The following LARP4 variants were observed in gnomAD, a reference collection of about 807,000 sequenced individuals.
The protein encoded by LARP4 is La ribonucleoprotein 4, also known as la-related protein 4.
In LARP4, 29 loss-of-function variants were observed where a neutral mutation model predicts 92.9. The observed-to-expected ratio is 0.31, with a 90% CI of 0.23 to 0.43. LARP4 has a LOEUF of 0.43. Ranked by LOEUF, LARP4 falls within the 20% of genes least tolerant of loss-of-function variation. The pLI, the probability that LARP4 is intolerant of heterozygous loss-of-function variation, is 1.00. For synonymous variants in LARP4, 279 were observed against 284.1 expected (o/e 0.98, Z 0.18); for missense variants, 732 against 860.0 (o/e 0.85, Z 1.86).
chr12:50,448,847 C>T (rs751499682), intron 8 of LARP4, among the ~76,000 whole-genome samples: 2 of 152,104 alleles, frequency 1.3e-5, no homozygotes, highest in Admixed American at 6.6e-5. Flanking sequence ...TAATACATGA[C>T]GACAATATCA....
chr12:50,465,794 A>G (rs572944761), intron 12 of LARP4, among the ~76,000 whole-genome samples: 3 of 152,336 alleles, frequency 2.0e-5, no homozygotes, highest in East Asian at 3.9e-4. Flanking sequence ...CAATTCAATG[A>G]TATTTTTGTA....
At position 50,477,503 on chromosome 12, in the gene LARP4, A is replaced by C. The variant is rs192192856; in HGVS notation, c.*1639A>C. ...ACATCTTAGTAATATATTAAAGTGA[A>C]TGTAAATGGTGGTTAAAATTACATT... On this transcript the variant is annotated 3_prime_UTR_variant, in exon 16 of 16. Transcript: ENST00000398473. 1 of 152,698 alleles carries C rather than the reference A, an allele frequency of 6.5e-6. No individual in the cohort carries two copies. Among genetic ancestry groups the C allele is most frequent in the African/African-American group, 2.4e-5 (1 of 41,570 alleles). 9.5% of individuals were successfully genotyped at this position (152,698 alleles called of 1,614,324 possible).
chr12:50,471,085 T>G (rs1956876344), intron 13 of LARP4, among the ~76,000 whole-genome samples: 1 of 152,060 alleles, frequency 6.6e-6, no homozygotes, highest in Non-Finnish European at 1.5e-5. Context: ...GGCCAAGAGT[T>G]TGAGACCAGC....
At chr12:50,437,674 A>G (rs1950634188) in intron 5 of LARP4, 61 bp from the exon 6 acceptor site, 1 of 913,728 alleles carries the variant, frequency 1.1e-6, no homozygotes, top group Non-Finnish European at 1.7e-6. Context: ...AGTTTCTTTA[A>G]TGGCATTAAT....
intron 1 of LARP4, chr12:50,412,532 TTCTGTTACCTTAGG>T (rs1946084400): frequency 1.3e-5 from 6 of 444,850 alleles, no homozygotes; most frequent in Non-Finnish European, 1.8e-5. Context: ...TAACTCATGG[TTCTGTTACCTTAGG>T]TCTGTAATTT....
chr12:50,453,491 C>T lies in LARP4; in HGVS notation c.836C>T (p.Ala279Val). The change falls in exon 9 of 16, where the codon GCT becomes GTT. Residue 279 changes from alanine to valine, a missense_variant. By Grantham distance (64) the Ala-to-Val change is moderately conservative. Transcript: ENST00000398473. The stretch of plus-strand genomic sequence containing the variant: ...ATAAAAGCCATCAATACATTTTTTG[C>T]TAAGAATGGTTATCGATTAATGGAT... ...ARIKAINTFFAKNGYRLMDSS... is the reference protein window; with the variant it reads ...ARIKAINTFFVKNGYRLMDSS... 6.2e-7 allele frequency: 1 copy of T among 1,611,938 alleles called. No homozygotes were observed. The highest frequency in any genetic ancestry group is 2.2e-5 in the East Asian group (1 of 44,836).
At chr12:50,473,928 T>A in intron 14 of LARP4, 71 bp from the exon 15 acceptor site, 2 of 1,367,984 alleles carry the variant, frequency 1.5e-6, no homozygotes, top group Non-Finnish European at 2.0e-6. Context: ...AAATTACGTT[T>A]TCTTCTGATT....
At chr12:50,442,316 A>G (rs747212375) in intron 8 of LARP4, among the ~76,000 whole-genome samples, 1 of 152,206 alleles carries the variant, frequency 6.6e-6, no homozygotes, top group Admixed American at 6.5e-5. Flanking sequence ...CGTACCATCA[A>G]TACAACCATT....
intron 1 of LARP4, among the ~76,000 whole-genome samples, chr12:50,401,972 G>C (rs1333799584): frequency 6.6e-6 from 1 of 152,104 alleles, no homozygotes; most frequent in African/African-American, 2.4e-5. Flanking sequence ...AGATCATATT[G>C]TTCTTACATT....
At chr12:50,419,558 T>C (rs1218049556) in intron 1 of LARP4, among the ~76,000 whole-genome samples, 1 of 152,154 alleles carries the variant, frequency 6.6e-6, no homozygotes, top group Non-Finnish European at 1.5e-5. Context: ...CTAGTCCAGA[T>C]TGGTAGTCTT....
Position 50,427,888 on chromosome 12 carries a change from A to G in LARP4, c.145A>G (p.Thr49Ala), listed in dbSNP as rs140187240. 2,504 of 1,596,354 alleles carry G rather than the reference A, an allele frequency of 1.6e-3. 57 individuals carry two copies. The East Asian group carries it at 0.046, about 29-fold the overall frequency. ...TESSWHEIAA[T>A]SGAHPEGNAE... ...AAGCTCTTGGCATGAAATAGCAGCT[A>G]CATCAGGTGCTCATCCTGAGGGTAA... Residue 49 changes from threonine to alanine, a missense_variant, in exon 2 of 16, where the codon ACA (threonine) becomes GCA (alanine). Transcript: ENST00000398473.
chr12:50,417,026 G>T (rs1024894145), intron 1 of LARP4, among the ~76,000 whole-genome samples: 3 of 152,106 alleles, frequency 2.0e-5, no homozygotes, highest in African/African-American at 7.2e-5. Context: ...GTGATTGATT[G>T]TTTAAAAACT....
intron 11 of LARP4, chr12:50,461,608 C>T: frequency 2.7e-6 from 1 of 370,574 alleles, no homozygotes; most frequent in South Asian, 2.9e-5. Flanking sequence ...GAAAGAATAG[C>T]TTAGAAAATT....
chr12:50,472,559 C>T lies in LARP4; in HGVS notation c.1546-856C>T, dbSNP rs78430393. Among the ~76,000 whole-genome samples, 951 of 150,834 alleles carry T rather than the reference C, an allele frequency of 6.3e-3. 15 individuals carry two copies. The highest frequency in any genetic ancestry group is 0.022 in the African/African-American group (906 of 41,002). On this transcript the variant is annotated intron_variant, in intron 13 of 15. Transcript: ENST00000398473. ...TTTTGAGACACGGTCTTGCTCTGTTCCCAGGAGGGAGTGCCGTGGTACTAT... is the reference window on the plus strand; with the variant it reads ...TTTTGAGACACGGTCTTGCTCTGTTTCCAGGAGGGAGTGCCGTGGTACTAT...
At chr12:50,465,001 T>C (rs922315451) in intron 12 of LARP4, among the ~76,000 whole-genome samples, 3 of 152,088 alleles carry the variant, frequency 2.0e-5, no homozygotes, top group Admixed American at 6.6e-5. Flanking sequence ...AACAATTCTT[T>C]CTTAGCATTC....
At chr12:50,422,236 A>G (rs1947925501) in intron 1 of LARP4, among the ~76,000 whole-genome samples, 1 of 152,138 alleles carries the variant, frequency 6.6e-6, no homozygotes, top group South Asian at 2.1e-4. Context: ...AAGTGCTGGG[A>G]TTACAGGCTT....
At chr12:50,410,986 A>G (rs537898026) in intron 1 of LARP4, among the ~76,000 whole-genome samples, 4 of 152,240 alleles carry the variant, frequency 2.6e-5, no homozygotes, top group African/African-American at 9.6e-5. Context: ...TTTCTTCCAC[A>G]GTAGAGGGCA....
chr12:50,408,321 C>T (rs1340646247), intron 1 of LARP4, among the ~76,000 whole-genome samples: 1 of 147,450 alleles, frequency 6.8e-6, no homozygotes, highest in African/African-American at 2.5e-5. Flanking sequence ...CCTCAGCCTT[C>T]CTGAGTAGCT....
At chr12:50,459,822 CAAAAAAAAAAAAAAAA>C (rs59855735) in intron 10 of LARP4, among the ~76,000 whole-genome samples, 1 of 99,874 alleles carries the variant, frequency 1.0e-5, no homozygotes, top group Non-Finnish European at 1.8e-5. Context: ...GACTCCGTAT[CAAAAAAAAAAAAAAAA>C]AAAAAAAAGG....
Sources: allele counts gnomAD v4.1 joint callset (sites outside exome capture counted in the v4.1 genomes callset), GRCh38; gene constraint gnomAD v4.1.1; transcripts MANE v1.5; gene names NCBI Gene and HGNC (gene_info 2026-07-23, HGNC 2026-07-21).